Variants in SCRG1 observed in about 807,000 individuals in gnomAD.
SCRG1 encodes stimulator of chondrogenesis 1.
Under a neutral mutation model 7.7 loss-of-function variants are expected in SCRG1, and 3 were observed. The observed-to-expected ratio is 0.39, with a 90% CI of 0.18 to 1.01. The LOEUF is 1.01. Ranked by LOEUF, SCRG1 falls within the 50% of genes least tolerant of loss-of-function variation. The pLI, the probability that SCRG1 is intolerant of heterozygous loss-of-function variation, is 0.36. For missense variants in SCRG1, 110 were observed against 117.2 expected (o/e 0.94, Z 0.28); for synonymous variants, 46 against 41.2 (o/e 1.12, Z -0.44).
the SCRG1 span, among the ~76,000 whole-genome samples, chr4:173,412,526 C>A: frequency 6.6e-6 from 1 of 152,212 alleles, no homozygotes; most frequent in Non-Finnish European, 1.5e-5. Context: ...GATACTCTGT[C>A]TCTGAGCTGA....
upstream of SCRG1, among the ~76,000 whole-genome samples, chr4:173,407,746 T>A (rs1271220759): frequency 1.3e-5 from 2 of 152,220 alleles, no homozygotes; most frequent in African/African-American, 4.8e-5. Context: ...AGACACCATT[T>A]TGTATAAAAG....
the SCRG1 span, among the ~76,000 whole-genome samples, chr4:173,516,082 G>A: frequency 0.017 from 2,653 of 152,178 alleles, 93 homozygotes; most frequent in African/African-American, 0.06. Flanking sequence ...ATGCAAGAGA[G>A]GACTTTGCAG....
chr4:173,475,954 A>G, the SCRG1 span, among the ~76,000 whole-genome samples: 1 of 152,144 alleles, frequency 6.6e-6, no homozygotes, highest in African/African-American at 2.4e-5. Context: ...TTAGTGATGA[A>G]TGGATATAGA....
At chr4:173,471,300 A>T in the SCRG1 span, among the ~76,000 whole-genome samples, 2 of 151,942 alleles carry the variant, frequency 1.3e-5, no homozygotes, top group South Asian at 4.2e-4. Context: ...GAGAACCAAA[A>T]CCTTCTGGAA....
the SCRG1 span, among the ~76,000 whole-genome samples, chr4:173,449,427 T>C: frequency 7.0e-6 from 1 of 142,958 alleles, no homozygotes. Flanking sequence ...AGAGCATACA[T>C]GATAAATCTT....
chr4:173,466,433 A>G, the SCRG1 span, among the ~76,000 whole-genome samples: 2 of 152,240 alleles, frequency 1.3e-5, no homozygotes, highest in African/African-American at 2.4e-5. Context: ...CACTTTTTCC[A>G]TGGTCTTTCA....
the SCRG1 span, among the ~76,000 whole-genome samples, chr4:173,514,298 G>T: frequency 6.6e-6 from 1 of 152,148 alleles, no homozygotes; most frequent in South Asian, 2.1e-4. Context: ...TCAGTCCCAA[G>T]TGGAAAGGCT....
Position 173,386,812 on chromosome 4 carries a change from G to A in SCRG1, c.*1529C>T, listed in dbSNP as rs900835618. 3 of 152,118 alleles carry A rather than the reference G, an allele frequency of 2.0e-5. No homozygotes were observed. Among genetic ancestry groups the A allele is most frequent in the Non-Finnish European group, 2.9e-5 (2 of 68,026 alleles). 9.4% of individuals were successfully genotyped at this position (152,118 alleles called of 1,614,324 possible). On this transcript the variant is annotated 3_prime_UTR_variant, in exon 3 of 3. Coordinates refer to ENST00000296506, the MANE Select transcript of SCRG1 (RefSeq NM_007281.4). ...ATTTATAAATAATTACTTGTTTATA[G>A]CAATCACACCTTTGTTAGAGCACAA...
the SCRG1 span, chr4:173,419,545 G>A: frequency 4.1e-6 from 3 of 728,320 alleles, no homozygotes; most frequent in Admixed American, 1.8e-5. Context: ...GGCCCATGAT[G>A]TGCTTCCGGT....
At chr4:173,428,492 A>G in the SCRG1 span, among the ~76,000 whole-genome samples, 1 of 152,214 alleles carries the variant, frequency 6.6e-6, no homozygotes, top group Non-Finnish European at 1.5e-5. Flanking sequence ...GAAGAGAGAC[A>G]TATTATTTGA....
chr4:173,476,591 G>A, the SCRG1 span, among the ~76,000 whole-genome samples: 1 of 151,888 alleles, frequency 6.6e-6, no homozygotes, highest in Non-Finnish European at 1.5e-5. Context: ...TGAACTGGCT[G>A]CATAAGGGCT....
the SCRG1 span, among the ~76,000 whole-genome samples, chr4:173,516,145 A>G: frequency 6.6e-6 from 1 of 152,214 alleles, no homozygotes; most frequent in Non-Finnish European, 1.5e-5. Flanking sequence ...AGCACTTCTC[A>G]AAGTGAGTCT....
the SCRG1 span, among the ~76,000 whole-genome samples, chr4:173,462,151 A>G: frequency 2.0e-5 from 3 of 152,204 alleles, no homozygotes. Flanking sequence ...TCAAACGGAT[A>G]ATAGAAAACT....
the SCRG1 span, among the ~76,000 whole-genome samples, chr4:173,507,016 G>C: frequency 6.6e-6 from 1 of 152,214 alleles, no homozygotes; most frequent in Non-Finnish European, 1.5e-5. The surrounding 1 kb of genome is among the most constrained non-coding windows in gnomAD (Gnocchi z 4.4). Flanking sequence ...CAGCCCCGGA[G>C]CTCTCAGACA....
rs1739225455 is a variant in SCRG1 at position 173,385,629 on chromosome 4, G to A, written c.*2712C>T. On this transcript the variant is annotated 3_prime_UTR_variant, in exon 3 of 3. Coordinates refer to ENST00000296506, the MANE Select transcript of SCRG1 (RefSeq NM_007281.4). ...GCATTCATTTCTAAAAGAAATAACTGAATTTCATATTTTCAGAAAGACATT... is the reference window on the plus strand; with the variant it reads ...GCATTCATTTCTAAAAGAAATAACTAAATTTCATATTTTCAGAAAGACATT... 1.3e-5 allele frequency: 2 copies of A among 152,004 alleles called. No individual in the cohort carries two copies. Among genetic ancestry groups the A allele is most frequent in the South Asian group, 4.1e-4 (2 of 4,826 alleles). The allele number at this position is 152,004 out of a possible 1,614,324, so 9.4% of individuals were successfully genotyped here.
At chr4:173,411,359 G>A (rs895490679), upstream of SCRG1, among the ~76,000 whole-genome samples, 6 of 152,178 alleles carry the variant, frequency 3.9e-5, no homozygotes, top group Admixed American at 1.3e-4. Flanking sequence ...CTACTAACTA[G>A]GTTTGGTGGG....
chr4:173,495,137 G>A, the SCRG1 span, among the ~76,000 whole-genome samples: 1 of 152,234 alleles, frequency 6.6e-6, no homozygotes, highest in African/African-American at 2.4e-5. Flanking sequence ...GCAGGAGAGT[G>A]CCTTAGACAT....
the SCRG1 span, among the ~76,000 whole-genome samples, chr4:173,489,493 CAT>C: frequency 0.016 from 2,442 of 150,646 alleles, 69 homozygotes; most frequent in East Asian, 0.072. Context: ...CAGGAAAAAA[CAT>C]ATGCTGCGTT....
chr4:173,483,513 AAT>A, the SCRG1 span, among the ~76,000 whole-genome samples: 1,628 of 17,802 alleles, frequency 0.091, 232 homozygotes, highest in Middle Eastern at 0.11. Flanking sequence ...TCTGATATAT[AAT>A]ATATATTATA....
Sources: gnomAD v4.1 joint callset for allele counts (sites outside exome capture counted in the v4.1 genomes callset) on GRCh38, gnomAD v4.1.1 for gene constraint, Gnocchi (gnomAD v3.1) non-coding constraint, MANE v1.5 for transcripts, NCBI Gene and HGNC (gene_info 2026-07-23, HGNC 2026-07-21) for gene names.